The following TUSC3 variants were observed in gnomAD, a reference collection of about 807,000 sequenced individuals.
TUSC3 encodes dolichyl-diphosphooligosaccharide--protein glycosyltransferase subunit TUSC3.
TUSC3 carries 45 observed loss-of-function variants against 44.8 expected under a neutral mutation model. The ratio of observed to expected loss-of-function variants is 1.00; its 90% confidence interval spans 0.79 to 1.29. The LOEUF (loss-of-function observed/expected upper bound fraction) is 1.29. TUSC3 is among the 50% of genes most tolerant of loss of function. TUSC3 has a pLI of 0.00. For synonymous variants in TUSC3, 212 were observed against 152.9 expected (o/e 1.39, Z -2.85); for missense variants, 519 against 437.9 (o/e 1.19, Z -1.65).
At chr8:15,564,937 G>A (rs751840896) in intron 1 of TUSC3, among the ~76,000 whole-genome samples, 45 of 152,150 alleles carry the variant, frequency 3.0e-4, no homozygotes, top group Non-Finnish European at 5.6e-4. Flanking sequence ...GAGAGCTGAG[G>A]CAGATTCATG....
intron 6 of TUSC3, among the ~76,000 whole-genome samples, chr8:15,710,888 T>A (rs1383710806): frequency 1.3e-5 from 2 of 148,230 alleles, no homozygotes; most frequent in Non-Finnish European, 3.0e-5. Context: ...TAATATAAAA[T>A]ATATATATAT....
chr8:15,812,879 A>C, the TUSC3 span, among the ~76,000 whole-genome samples: 1 of 152,126 alleles, frequency 6.6e-6, no homozygotes, highest in Non-Finnish European at 1.5e-5. Context: ...GCAGATCACA[A>C]GGTCAAGAGT....
chr8:15,766,042 CTA>C lies in TUSC3; in HGVS notation c.*1889_*1890del, dbSNP rs1400099518. 4 of 152,074 alleles carry C rather than the reference CTA, an allele frequency of 2.6e-5. No homozygotes were observed. Among genetic ancestry groups the C allele is most frequent in the Admixed American group, 2.6e-4 (4 of 15,238 alleles). The allele number at this position is 152,074 out of a possible 1,614,324, so 9.4% of individuals were successfully genotyped here. On this transcript the variant is annotated 3_prime_UTR_variant, in exon 11 of 11. Transcript: ENST00000503731. Reference sequence around the variant, plus strand: ...ATCAAAGTCAGGTCATCCTCAGACACTATAACTAAGATAGATAAGGAGTACTT... The same window carrying C: ...ATCAAAGTCAGGTCATCCTCAGACACTAACTAAGATAGATAAGGAGTACTT...
At chr8:15,848,713 A>G in the TUSC3 span, among the ~76,000 whole-genome samples, 80 of 152,172 alleles carry the variant, frequency 5.3e-4, no homozygotes, top group Non-Finnish European at 1.2e-4. Context: ...CAGCAACCCA[A>G]CAGTGAGACT....
chr8:15,846,557 G>T, the TUSC3 span, among the ~76,000 whole-genome samples: 1 of 152,110 alleles, frequency 6.6e-6, no homozygotes, highest in South Asian at 2.1e-4. Flanking sequence ...GTCCTTTGCA[G>T]GGACATGGAT....
chr8:15,760,380 C>G (rs984396967), intron 10 of TUSC3, among the ~76,000 whole-genome samples: 2 of 152,234 alleles, frequency 1.3e-5, no homozygotes, highest in Non-Finnish European at 2.9e-5. Flanking sequence ...TAACTACATT[C>G]TACAATATAT....
At chr8:15,703,266 A>T (rs563827748) in intron 6 of TUSC3, among the ~76,000 whole-genome samples, 1 of 152,152 alleles carries the variant, frequency 6.6e-6, no homozygotes, top group Non-Finnish European at 1.5e-5. Flanking sequence ...CTAATTAATT[A>T]TAGATTATAA....
chr8:15,486,786 A>C (rs547389397), intron 2 of TUSC3, among the ~76,000 whole-genome samples: 2 of 152,246 alleles, frequency 1.3e-5, no homozygotes, highest in South Asian at 4.1e-4. Flanking sequence ...TTTTCCTTTT[A>C]CTGGTGTTCA....
Position 15,659,564 on chromosome 8 carries a change from A to G in TUSC3, c.484A>G (p.Arg162Gly), listed in dbSNP as rs797046080. 6.2e-7 allele frequency: 1 copy of G among 1,613,550 alleles called. No individual in the cohort carries two copies. The highest frequency in any genetic ancestry group is 2.2e-5 in the East Asian group (1 of 44,836). ...TTTTCCTCCAAAAGGCAGACCTAAG[A>G]GAGCTGATACTTTTGACCTCCAAAG... is the stretch of plus-strand genomic sequence containing the variant. ...MHFPPKGRPK[R>G]ADTFDLQRIG... Residue 162 changes from arginine (R) to glycine (G), a missense_variant, in exon 4 of 11, where the codon AGA (arginine) becomes GGA (glycine). Coordinates refer to ENST00000503731, the MANE Select transcript of TUSC3 (RefSeq NM_006765.4).
intron 5 of TUSC3, among the ~76,000 whole-genome samples, chr8:15,670,393 C>G (rs887108343): frequency 1.3e-5 from 2 of 151,934 alleles, no homozygotes; most frequent in East Asian, 1.9e-4. Flanking sequence ...AACATACTCA[C>G]ACTTATAAAA....
At chr8:15,601,828 T>G (rs1197611996) in intron 1 of TUSC3, among the ~76,000 whole-genome samples, 1 of 151,702 alleles carries the variant, frequency 6.6e-6, no homozygotes, top group Non-Finnish European at 1.5e-5. Context: ...TTTTGTGGCT[T>G]GCTTTCTACC....
intron 2 of TUSC3, among the ~76,000 whole-genome samples, chr8:15,624,076 G>T (rs186522616): frequency 5.9e-5 from 9 of 152,150 alleles, no homozygotes; most frequent in African/African-American, 2.2e-4. Context: ...TATGGTACGT[G>T]ACCTTTTGGG....
intron 2 of TUSC3, among the ~76,000 whole-genome samples, chr8:15,624,903 T>A (rs1805423370): frequency 6.6e-6 from 1 of 152,186 alleles, no homozygotes; most frequent in Non-Finnish European, 1.5e-5. Flanking sequence ...TTTTTTTTTC[T>A]GAAAATTTTC....
intron 6 of TUSC3, among the ~76,000 whole-genome samples, chr8:15,675,214 G>T (rs550055302): frequency 1.3e-5 from 2 of 151,958 alleles, no homozygotes; most frequent in Admixed American, 1.3e-4. Context: ...AGATCTGATC[G>T]CTGTCGTGTT....
chr8:15,749,513 A>C (rs1811598805), intron 9 of TUSC3, among the ~76,000 whole-genome samples: 1 of 151,904 alleles, frequency 6.6e-6, no homozygotes, highest in Non-Finnish European at 1.5e-5. Context: ...TAAATATACC[A>C]AGGGAATGGA....
At chr8:15,445,823 C>A (rs571880527) in intron 1 of TUSC3, among the ~76,000 whole-genome samples, 2 of 152,244 alleles carry the variant, frequency 1.3e-5, no homozygotes, top group Middle Eastern at 3.2e-3. Context: ...TCTCAATGAG[C>A]TGTTGGGTAC....
chr8:15,538,425 C>G (rs1289154792), upstream of TUSC3, among the ~76,000 whole-genome samples: 1 of 152,022 alleles, frequency 6.6e-6, no homozygotes, highest in South Asian at 2.1e-4. Context: ...CAAAAGCTTG[C>G]GATACAGAAA....
chr8:15,818,075 C>T, the TUSC3 span, among the ~76,000 whole-genome samples: 1 of 152,102 alleles, frequency 6.6e-6, no homozygotes, highest in Non-Finnish European at 1.5e-5. Flanking sequence ...AATTCTAGGA[C>T]CTTGGAGAAG....
At chr8:15,448,956 A>G (rs1352410813) in intron 1 of TUSC3, among the ~76,000 whole-genome samples, 1 of 152,152 alleles carries the variant, frequency 6.6e-6, no homozygotes, top group African/African-American at 2.4e-5. Flanking sequence ...TTTAGCATAG[A>G]CTAATTGTAG....
Sources: allele counts gnomAD v4.1 joint callset (sites outside exome capture counted in the v4.1 genomes callset), GRCh38; gene constraint gnomAD v4.1.1; transcripts MANE v1.5; gene names NCBI Gene and HGNC (gene_info 2026-07-23, HGNC 2026-07-21).